FANCG: variants seen among roughly 807,000 people sequenced by gnomAD.
The protein encoded by FANCG is FA complementation group G.
FANCG carries 67 observed loss-of-function variants against 73.3 expected under a neutral mutation model. The observed-to-expected ratio is 0.91, with a 90% confidence interval of 0.75 to 1.12. The LOEUF (loss-of-function observed/expected upper bound fraction) is 1.12, where lower values mean the gene tolerates loss of function less well. Ranked by LOEUF, FANCG falls within the 50% of genes most tolerant of loss-of-function variation. The pLI is 0.00. For synonymous variants in FANCG, 297 were observed against 311.6 expected, an observed-to-expected ratio of 0.95 and a Z score of 0.49; for missense variants, 643 against 735.6, an observed-to-expected ratio of 0.87 and a Z score of 1.46.
rs561118422 is a variant in FANCG, at chr9:35,079,176, G to C, written c.150C>G (p.Leu50=). 6.2e-7 allele frequency: 1 copy of C among 1,608,236 alleles called. No homozygotes were observed. Among genetic ancestry groups the C allele is most frequent in the African/African-American group, 1.3e-5 (1 of 74,882 alleles). ...QQLAQDALEG[L]RGLLHSLQGL... ...CTTGCAGACTATGGAGGAGCCCTCT[G>C]AGCCCTTCCAGTGCATCCTGAGCCA... is the stretch of plus-strand genomic sequence containing the variant. The change falls in exon 2 of 14, where the codon CTC becomes CTG. Residue 50 remains leucine, a synonymous_variant. Coordinates refer to ENST00000378643, the MANE Select transcript of FANCG (RefSeq NM_004629.2).
intron 9 of FANCG, 34 bp downstream of exon 9, chr9:35,075,928 A>G (rs1563986053): frequency 6.2e-7 from 1 of 1,609,674 alleles, no homozygotes; most frequent in Admixed American, 1.7e-5. Flanking sequence ...CAACCCGTCT[A>G]CCCCATTGCA....
rs375682263 is a variant in FANCG, at chr9:35,075,297, G to A, written c.1462C>T (p.Pro488Ser). The change falls in exon 11 of 14, where the codon CCT (proline) becomes TCT (serine). Residue 488 changes from proline to serine, a missense_variant. Transcript: ENST00000378643. ...AGATCACCTTGTTCTTTTTCCTCAG[G>A]TGTGGCCCGGAAGAGCAGCTCGAGG... ...RCLELLFRAT[P>S]EEKEQGAAFN... The A allele has an allele frequency of 2.5e-6, 4 of 1,614,026 alleles. No homozygotes were observed. The African/African-American group carries it at 5.3e-5, about 22-fold the overall frequency.
chr9:35,078,519 ATGT>A, intron 3 of FANCG, 83 bp downstream of exon 3: 8 of 1,593,926 alleles, frequency 5.0e-6, no homozygotes, highest in Non-Finnish European at 6.9e-6. Flanking sequence ...GAGGTGACAG[ATGT>A]TGTTTATCCT....
In FANCG at chr9:35,077,105, A is replaced by C. The variant is rs1436051790; in HGVS notation, c.647-4T>G. On this transcript the variant is annotated splice_region_variant and splice_polypyrimidine_tract_variant and intron_variant, in intron 5 of 13. Transcript: ENST00000378643. ...CCTGTGATCAGCTCCTGGAGACCTG[A>C]GGACAGTCAGGGTGTGAGCTTGGAG... 1.2e-6 allele frequency: 2 copies of C among 1,614,146 alleles called. No homozygotes were observed.
rs755536866 is a variant in FANCG, at chr9:35,079,314, C to A, written c.85-73G>T. The stretch of plus-strand genomic sequence containing the variant: ...CCCCTTGCAGCAGTGGCAAGGGATG[C>A]ATTCTCCAGTCATTTCTGGCTCTTT... On this transcript the variant is annotated intron_variant, in intron 1 of 13. Transcript: ENST00000378643. 241 of 1,537,348 alleles carry A rather than the reference C, an allele frequency of 1.6e-4. 3 individuals carry two copies. Among genetic ancestry groups the A allele is most frequent in the Non-Finnish European group, 2.7e-5 (30 of 1,111,972 alleles).
intron 7 of FANCG, 63 bp downstream of exon 7, chr9:35,076,661 G>C (rs1034785014): frequency 1.8e-5 from 29 of 1,613,904 alleles, no homozygotes; most frequent in African/African-American, 2.7e-5. Context: ...GACTAGTCAA[G>C]TCACCCCATC....
chr9:35,076,262 A>C, intron 8 of FANCG, 170 bp downstream of exon 8: 1 of 817,276 alleles, frequency 1.2e-6, no homozygotes, highest in Non-Finnish European at 2.1e-6. Flanking sequence ...TGTCTTAGAG[A>C]AGAGTCCTCA....
rs2131054200 is a variant in FANCG at position 35,075,713 on chromosome 9, C to G, written c.1185G>C (p.Glu395Asp). Residue 395 changes from glutamate to aspartate, a missense_variant, in exon 10 of 14, where the codon GAG becomes GAC. Transcript: ENST00000378643. The stretch of plus-strand genomic sequence containing the variant: ...GTGCTACCGCTGCCTCCAAAAACAC[C>G]TCAGGCATACAGGGCCCTGGAGGGG... ...PPSPPGPCMP[E>D]VFLEAAVALI... The G allele has an allele frequency of 6.3e-7, 1 of 1,599,460 alleles. No homozygotes were observed. The highest frequency in any genetic ancestry group is 8.5e-7 in the Non-Finnish European group (1 of 1,175,130).
Position 35,078,167 on chromosome 9 carries a change from A to C in FANCG, c.484T>G (p.Leu162Val). The C allele has an allele frequency of 1.2e-6, 2 of 1,614,170 alleles. No homozygotes were observed. The highest frequency in any genetic ancestry group is 1.1e-5 in the South Asian group (1 of 91,082). Reference sequence around the variant, plus strand: ...TGGCTGCCATTCAGGGTCTCTAGTAACAAGGCCAGGTCCCCAAGACGGTCA... The same window carrying C: ...TGGCTGCCATTCAGGGTCTCTAGTACCAAGGCCAGGTCCCCAAGACGGTCA... The part of the protein sequence containing the change: ...SADRLGDLAL[L>V]LETLNGSQSG... Residue 162 changes from leucine to valine, a missense_variant, in exon 4 of 14, where the codon TTA becomes GTA. Transcript: ENST00000378643.
At chr9:35,078,104 G>T in intron 4 of FANCG, 37 bp downstream of exon 4, 2 of 1,576,122 alleles carry the variant, frequency 1.3e-6, no homozygotes, top group Non-Finnish European at 1.7e-6. Context: ...AGGAAGGAAG[G>T]AGGAGACCCT....
At chr9:35,078,852 C>T in intron 2 of FANCG, 116 bp from the exon 3 acceptor site, 1 of 1,390,010 alleles carries the variant, frequency 7.2e-7, no homozygotes, top group Non-Finnish European at 1.0e-6. Context: ...AGAACCCACC[C>T]TCCAGCCAAT....
chr9:35,076,381 G>A (rs1434731457), intron 8 of FANCG, 51 bp downstream of exon 8: 1 of 1,606,186 alleles, frequency 6.2e-7, no homozygotes, highest in Non-Finnish European at 8.5e-7. Context: ...ACACCCCAGG[G>A]GAGGCATCAG....
At position 35,075,679 on chromosome 9, in the gene FANCG, C is replaced by A. The variant is rs781764361; in HGVS notation, c.1219G>T (p.Ala407Ser). Reference protein sequence around the residue: ...FLEAAVALIQAGRAQDALTLC... With the variant: ...FLEAAVALIQSGRAQDALTLC... Reference sequence around the variant, plus strand: ...GTCAAGGCATCTTGGGCTCTGCCTGCCTGGATCAGTGCTACCGCTGCCTCC... The same window carrying A: ...GTCAAGGCATCTTGGGCTCTGCCTGACTGGATCAGTGCTACCGCTGCCTCC... The change falls in exon 10 of 14, where the codon GCA becomes TCA. Residue 407 changes from alanine (A) to serine (S), a missense_variant. Ala to Ser is a moderately conservative substitution (Grantham distance 99). Transcript: ENST00000378643. The A allele has an allele frequency of 1.9e-6, 3 of 1,610,112 alleles. No homozygotes were observed. The highest frequency in any genetic ancestry group is 2.5e-6 in the Non-Finnish European group (3 of 1,179,726).
Position 35,078,732 on chromosome 9 carries a change from G to A in FANCG, c.180C>T (p.Leu60=). The A allele has an allele frequency of 3.1e-6, 5 of 1,614,140 alleles. No individual in the cohort carries two copies. The highest frequency in any genetic ancestry group is 3.4e-6 in the Non-Finnish European group (4 of 1,180,038). ...AGGGAAGAACAGGAACAGCTGCAGG[G>A]AGCCCTGGAGCAACAATGTTGGTCT... ...LRGLLHSLQG[L]PAAVPVLPLE... is the part of the protein sequence containing the mutation. The change falls in exon 3 of 14, where the codon CTC becomes CTT. Residue 60 remains leucine, a synonymous_variant. Coordinates refer to ENST00000378643, the MANE Select transcript of FANCG (RefSeq NM_004629.2).
At chr9:35,074,788 T>C in intron 12 of FANCG, 139 bp downstream of exon 12, 1 of 1,119,662 alleles carries the variant, frequency 8.9e-7, no homozygotes, top group South Asian at 1.3e-5. Flanking sequence ...CCTGGATATA[T>C]CCCTAGGTAT....
chr9:35,075,045 A>G lies in FANCG; in HGVS notation c.1518T>C (p.Asp506=). 3.1e-6 allele frequency: 5 copies of G among 1,614,180 alleles called. 1 individual carries two copies. In the South Asian group the frequency reaches 3.3e-5, roughly 11 times the overall value. ...CTGCCCGAAGCTGCTGCAGTGCCGC[A>G]TCTGACTTACATCCCTGCTCACAGT... ...AFNCEQGCKS[D]AALQQLRAAA... Residue 506 remains aspartate (D), a synonymous_variant, in exon 12 of 14, where the codon GAT becomes GAC. Coordinates refer to ENST00000378643, the MANE Select transcript of FANCG (RefSeq NM_004629.2).
chr9:35,078,826 A>T, intron 2 of FANCG, 90 bp from the exon 3 acceptor site: 1 of 1,536,224 alleles, frequency 6.5e-7, no homozygotes, highest in Non-Finnish European at 9.0e-7. Context: ...CACTCCAACC[A>T]AAACAGCTAC....
At chr9:35,074,745 G>A (rs1315268044) in intron 12 of FANCG, 182 bp downstream of exon 12, 1 of 893,356 alleles carries the variant, frequency 1.1e-6, no homozygotes, top group East Asian at 2.6e-5. Context: ...GAACTCTTGG[G>A]AGCCCTGCAT....
In FANCG at chr9:35,076,871, C is replaced by G. The variant is rs767518932; in HGVS notation, c.778-1G>C. On this transcript the variant is annotated splice_acceptor_variant, in intron 6 of 13. Transcript: ENST00000378643. LOFTEE classifies it high-confidence loss of function. Reference sequence around the variant, plus strand: ...ACAACAGTGCTCTCTGTGGATTTCCCTAAAGGGATAGGAGGACACGGGCCT... The same window carrying G: ...ACAACAGTGCTCTCTGTGGATTTCCGTAAAGGGATAGGAGGACACGGGCCT... 1.9e-6 allele frequency: 3 copies of G among 1,614,176 alleles called. No individual in the cohort carries two copies. The highest frequency in any genetic ancestry group is 1.7e-5 in the Admixed American group (1 of 60,022).
Sources: gnomAD v4.1 joint callset for allele counts on GRCh38, gnomAD v4.1.1 for gene constraint, MANE v1.5 for transcripts, NCBI Gene and HGNC (gene_info 2026-07-23, HGNC 2026-07-21) for gene names.